SLC28A3: variants seen among roughly 807,000 people sequenced by gnomAD.
SLC28A3 encodes the protein solute carrier family 28 member 3, also known as concentrative Na(+)-nucleoside cotransporter 3.
In SLC28A3, 68 loss-of-function variants were observed where a neutral mutation model predicts 84.2. The observed-to-expected ratio is 0.81, with a 90% CI of 0.66 to 0.99. The LOEUF is 0.99. SLC28A3 is among the 50% of genes least tolerant of loss of function. The pLI, the probability that SLC28A3 is intolerant of heterozygous loss-of-function variation, is 0.00. For synonymous variants in SLC28A3, 267 were observed against 303.6 expected (o/e 0.88, Z 1.25); for missense variants, 712 against 841.5 (o/e 0.85, Z 1.90).
the SLC28A3 span, among the ~76,000 whole-genome samples, chr9:84,352,559 TA>T: frequency 3.3e-5 from 5 of 152,158 alleles, no homozygotes; most frequent in African/African-American, 9.6e-5. Context: ...TGATAAGGAT[TA>T]AAAATTTTGG....
At chr9:84,292,284 C>T (rs1345686429) in intron 10 of SLC28A3, among the ~76,000 whole-genome samples, 3 of 152,132 alleles carry the variant, frequency 2.0e-5, no homozygotes, top group Non-Finnish European at 4.4e-5. Flanking sequence ...AAGAGTTGAC[C>T]AGAAACCTCA....
At chr9:84,292,789 G>A in intron 9 of SLC28A3, 41 bp from the exon 10 acceptor site, 2 of 1,429,988 alleles carry the variant, frequency 1.4e-6, no homozygotes, top group South Asian at 1.4e-5. Flanking sequence ...AGAACTTTTT[G>A]TATACCCAAA....
the SLC28A3 span, among the ~76,000 whole-genome samples, chr9:84,367,251 GTGAATGC>G: frequency 6.6e-6 from 1 of 152,200 alleles, no homozygotes; most frequent in Non-Finnish European, 1.5e-5. Flanking sequence ...TCAGCTGGTG[GTGAATGC>G]TGCCTGGCCT....
the SLC28A3 span, among the ~76,000 whole-genome samples, chr9:84,348,797 G>A: frequency 6.6e-6 from 1 of 152,162 alleles, no homozygotes; most frequent in African/African-American, 2.4e-5. Context: ...TCTCTCTCCT[G>A]TGCTCACTTG....
intron 11 of SLC28A3, chr9:84,289,874 C>A: frequency 8.6e-6 from 2 of 232,512 alleles, no homozygotes; most frequent in Non-Finnish European, 8.4e-6. Context: ...TTTTTTTTAA[C>A]AGATTTAAAT....
At chr9:84,337,206 A>G (rs747000153) in intron 1 of SLC28A3, among the ~76,000 whole-genome samples, 16 of 152,200 alleles carry the variant, frequency 1.1e-4, no homozygotes, top group African/African-American at 7.2e-5. Context: ...TTGTAATTGC[A>G]TGCTTATTTC....
intron 1 of SLC28A3, among the ~76,000 whole-genome samples, chr9:84,314,409 G>A (rs992359725): frequency 2.0e-5 from 3 of 152,074 alleles, no homozygotes; most frequent in Admixed American, 6.6e-5. Flanking sequence ...CTAGAGTGAG[G>A]TAATGGATAA....
the SLC28A3 span, among the ~76,000 whole-genome samples, chr9:84,354,171 T>C: frequency 6.6e-6 from 1 of 152,252 alleles, no homozygotes; most frequent in Non-Finnish European, 1.5e-5. Context: ...GCCCCTGGAC[T>C]GGCTCTTTCT....
At chr9:84,330,205 G>A (rs1826724980) in intron 1 of SLC28A3, among the ~76,000 whole-genome samples, 1 of 151,836 alleles carries the variant, frequency 6.6e-6, no homozygotes, top group Non-Finnish European at 1.5e-5. Flanking sequence ...TGAAGAGATT[G>A]AATTGCTAAC....
chr9:84,361,935 T>TAAATAAATAAATAAATAAAA, the SLC28A3 span, among the ~76,000 whole-genome samples: 7 of 151,848 alleles, frequency 4.6e-5, no homozygotes, highest in Admixed American at 4.6e-4. Context: ...AATAAATAAA[T>TAAATAAATAAATAAATAAAA]AAAAATTAAT....
chr9:84,312,218 A>T (rs1016167019), intron 2 of SLC28A3, among the ~76,000 whole-genome samples: 1 of 150,950 alleles, frequency 6.6e-6, no homozygotes, highest in Non-Finnish European at 1.5e-5. Flanking sequence ...GGACATAAGT[A>T]TTGTTTTCTT....
the SLC28A3 span, among the ~76,000 whole-genome samples, chr9:84,353,155 A>C: frequency 6.6e-6 from 1 of 152,192 alleles, no homozygotes. Flanking sequence ...AAAAAAAAGA[A>C]TTTAGGTATG....
Position 84,279,966 on chromosome 9 carries a change from G to A in SLC28A3, c.1828+9C>T, listed in dbSNP as rs1284697955. ...TGGGCACTGGGACACAAAGGACAGGGTGCGGTACCTGCGATGCAGGCTGTC... is the reference window on the plus strand; with the variant it reads ...TGGGCACTGGGACACAAAGGACAGGATGCGGTACCTGCGATGCAGGCTGTC... On this transcript the variant is annotated intron_variant, in intron 16 of 17. Coordinates refer to ENST00000376238, the MANE Select transcript of SLC28A3 (RefSeq NM_001199633.2). 1 of 1,613,252 alleles carries A rather than the reference G, an allele frequency of 6.2e-7. No homozygotes were observed. Among genetic ancestry groups the A allele is most frequent in the South Asian group, 1.1e-5 (1 of 91,012 alleles).
At chr9:84,314,556 T>G (rs1826102257) in intron 1 of SLC28A3, among the ~76,000 whole-genome samples, 2 of 152,142 alleles carry the variant, frequency 1.3e-5, no homozygotes, top group Admixed American at 6.5e-5. Flanking sequence ...CAAGTTGTAT[T>G]GCATTTTCTA....
intron 8 of SLC28A3, among the ~76,000 whole-genome samples, 195 bp from the exon 9 acceptor site, chr9:84,294,470 T>A (rs1398979928): frequency 1.3e-5 from 2 of 152,262 alleles, no homozygotes; most frequent in Admixed American, 1.3e-4. Flanking sequence ...TTTGACTTTT[T>A]TCCCCTGTCT....
chr9:84,302,366 C>G lies in SLC28A3; in HGVS notation c.358G>C (p.Ala120Pro), dbSNP rs1825666278. ...GCTCTGTGAAAGTTCAGCACACAGG[C>G]CGAAATCACCATAACCAGATAACCT... ...LAGYLVMVIS[A>P]CVLNFHRALP... is the part of the protein sequence containing the mutation. Residue 120 changes from alanine (A) to proline (P), a missense_variant, in exon 5 of 18, where the codon GCC becomes CCC. Physicochemically the swap from Ala to Pro is conservative, Grantham distance 27 (BLOSUM62 -1). Transcript: ENST00000376238. 1 of 1,613,708 alleles carries G rather than the reference C, an allele frequency of 6.2e-7. No individual in the cohort carries two copies.
At chr9:84,317,823 G>A (rs531803022) in intron 1 of SLC28A3, among the ~76,000 whole-genome samples, 1 of 152,150 alleles carries the variant, frequency 6.6e-6, no homozygotes, top group Non-Finnish European at 1.5e-5. Flanking sequence ...GGTTTAGTTT[G>A]CTTCTCGCTT....
intron 1 of SLC28A3, among the ~76,000 whole-genome samples, chr9:84,315,549 G>T (rs927379236): frequency 6.6e-6 from 1 of 152,188 alleles, no homozygotes; most frequent in African/African-American, 2.4e-5. Context: ...TGTGTTGAGG[G>T]ATAGAGTGGG....
the SLC28A3 span, among the ~76,000 whole-genome samples, chr9:84,354,475 C>T: frequency 2.0e-5 from 3 of 152,182 alleles, no homozygotes; most frequent in South Asian, 6.2e-4. Context: ...TAGGAGTGGC[C>T]TGGGAAAGAA....
Sources: allele counts gnomAD v4.1 joint callset (sites outside exome capture counted in the v4.1 genomes callset), GRCh38; gene constraint gnomAD v4.1.1; transcripts MANE v1.5; gene names NCBI Gene and HGNC (gene_info 2026-07-23, HGNC 2026-07-21).